The following DACH2 variants were observed in gnomAD, a reference collection of about 807,000 sequenced individuals.
DACH2 encodes dachshund homolog 2.
DACH2 carries 17 observed loss-of-function variants against 35.8 expected under a neutral mutation model. The ratio of observed to expected loss-of-function variants is 0.48; its 90% CI spans 0.33 to 0.71. DACH2 has a LOEUF of 0.71. Among genes scored for constraint, DACH2 ranks in the 30% least tolerant of loss-of-function variants. The pLI is 0.02. For missense variants in DACH2, 469 were observed against 472.7 expected (o/e 0.99, Z 0.07); for synonymous variants, 195 against 177.3 (o/e 1.10, Z -0.79).
intron 1 of DACH2, among the ~76,000 whole-genome samples, chrX:86,212,769 A>C (rs1452072494): frequency 9.0e-6 from 1 of 111,395 alleles, no homozygotes; most frequent in Non-Finnish European, 1.9e-5. Flanking sequence ...AGTTCCACTA[A>C]ACGAACATCA....
chrX:86,203,655 C>T (rs184365233), intron 1 of DACH2, among the ~76,000 whole-genome samples: 92 of 111,485 alleles, frequency 8.3e-4, no homozygotes, highest in African/African-American at 3.0e-3. Flanking sequence ...ATAAAAATAA[C>T]ATTTTTTGTT....
intron 2 of DACH2, among the ~76,000 whole-genome samples, chrX:86,412,089 C>T (rs4430227): frequency 0.041 from 4,509 of 111,208 alleles, 95 homozygotes; most frequent in East Asian, 0.21. Context: ...TCACCCTAGC[C>T]AACACTGTAA....
intron 1 of DACH2, among the ~76,000 whole-genome samples, chrX:86,356,191 C>A (rs766607223): frequency 3.6e-5 from 4 of 111,537 alleles, no homozygotes; most frequent in Non-Finnish European, 7.5e-5. Context: ...TTTAATCCAT[C>A]TTGAGTTGAT....
chrX:86,292,375 A>C (rs1473459468), intron 1 of DACH2, among the ~76,000 whole-genome samples: 2 of 95,896 alleles, frequency 2.1e-5, no homozygotes, highest in Non-Finnish European at 4.1e-5. Flanking sequence ...TCAAAAAACC[A>C]GCTCCTGGAT....
At chrX:86,160,011 T>TA (rs1333352911) in intron 1 of DACH2, among the ~76,000 whole-genome samples, 4 of 108,661 alleles carry the variant, frequency 3.7e-5, no homozygotes, top group African/African-American at 1.4e-4. Flanking sequence ...GTACTGATTT[T>TA]AAAAACTAAT....
At chrX:86,708,047 C>G (rs1185846510) in intron 5 of DACH2, among the ~76,000 whole-genome samples, 1 of 107,539 alleles carries the variant, frequency 9.3e-6, no homozygotes, top group Non-Finnish European at 1.9e-5. Context: ...TAATATGATA[C>G]TAAAAGTAGA....
intron 2 of DACH2, among the ~76,000 whole-genome samples, chrX:86,382,820 T>A (rs2036066414): frequency 9.0e-6 from 1 of 111,235 alleles, no homozygotes; most frequent in African/African-American, 3.3e-5. Context: ...ATCTTCAGAT[T>A]AATACAATTT....
chrX:86,384,750 A>C (rs935288765), intron 2 of DACH2, among the ~76,000 whole-genome samples: 1 of 112,095 alleles, frequency 8.9e-6, no homozygotes, highest in Non-Finnish European at 1.9e-5. Flanking sequence ...AGATGTAAAA[A>C]ATGTGTAGCT....
intron 1 of DACH2, among the ~76,000 whole-genome samples, chrX:86,267,090 T>C (rs767412669): frequency 8.9e-6 from 1 of 112,310 alleles, no homozygotes; most frequent in East Asian, 2.8e-4. Flanking sequence ...AATGACTAGC[T>C]ATGCTGTTGA....
At chrX:86,454,732 G>A (rs1377352840) in intron 2 of DACH2, among the ~76,000 whole-genome samples, 1 of 111,657 alleles carries the variant, frequency 9.0e-6, no homozygotes, top group African/African-American at 3.3e-5. Context: ...CTTTAGCGCG[G>A]TGAAGTTTGT....
rs191634969 is a variant in DACH2 at position 86,620,877 on chromosome X, G to A, written c.641-30159G>A. On this transcript the variant is annotated intron_variant, in intron 3 of 11. Coordinates refer to ENST00000373125, the MANE Select transcript of DACH2 (RefSeq NM_053281.3). ...GACAAGTAGATTCGAGAGGATCTCTGCTTCTGGGAAGTTCTCTGTTTTCAG... is the reference window on the plus strand; with the variant it reads ...GACAAGTAGATTCGAGAGGATCTCTACTTCTGGGAAGTTCTCTGTTTTCAG... Among the ~76,000 whole-genome samples the A allele has an allele frequency of 1.6e-3, 177 of 110,711 alleles. 1 individual carries two copies. The highest frequency in any genetic ancestry group is 2.7e-3 in the Non-Finnish European group (145 of 52,871).
rs2042107174 is a variant in DACH2, at chrX:86,783,345, G to A, written c.1241-29511G>A. 2.7e-5 allele frequency among the ~76,000 whole-genome samples: 3 copies of A among 112,140 alleles called. No individual in the cohort carries two copies. The Admixed American group carries it at 2.8e-4, about 11-fold the overall frequency. The stretch of plus-strand genomic sequence containing the variant: ...AATGTAAATTAGTACAAACACTGTG[G>A]AGAACAATTTGGAGATTCCTGAAAA... On this transcript the variant is annotated intron_variant, in intron 7 of 11. Transcript: ENST00000373125.
intron 7 of DACH2, 132 bp from the exon 8 acceptor site, chrX:86,812,724 A>T (rs2042406448): frequency 2.6e-6 from 1 of 386,214 alleles, no homozygotes. Context: ...AATAAATATG[A>T]CTTCTAATTA....
At chrX:86,710,103 A>G (rs953355982) in intron 5 of DACH2, among the ~76,000 whole-genome samples, 4 of 112,522 alleles carry the variant, frequency 3.6e-5, no homozygotes, top group African/African-American at 1.3e-4. Flanking sequence ...ACTAAAAATT[A>G]GAAACAACCA....
intron 1 of DACH2, among the ~76,000 whole-genome samples, chrX:86,279,015 AT>A (rs1270954662): frequency 8.9e-6 from 1 of 112,074 alleles, no homozygotes; most frequent in Non-Finnish European, 1.9e-5. Context: ...CGGGCAGGGC[AT>A]CTTTAAAATA....
intron 3 of DACH2, among the ~76,000 whole-genome samples, chrX:86,536,778 T>C (rs1487803726): frequency 1.8e-5 from 2 of 112,094 alleles, no homozygotes; most frequent in African/African-American, 3.2e-5. Context: ...TATAAAACGA[T>C]GCTGTAACCC....
intron 1 of DACH2, among the ~76,000 whole-genome samples, chrX:86,230,821 A>T (rs1328328732): frequency 9.0e-6 from 1 of 111,625 alleles, no homozygotes; most frequent in African/African-American, 3.3e-5. Flanking sequence ...CAGTGTTGTC[A>T]GTTGTAATAT....
intron 2 of DACH2, among the ~76,000 whole-genome samples, chrX:86,404,351 CT>C (rs1173290201): frequency 1.8e-5 from 2 of 111,990 alleles, no homozygotes; most frequent in African/African-American, 6.5e-5. Context: ...TATTTACTTC[CT>C]AGATACAATG....
At chrX:86,740,475 G>A (rs1212155517) in intron 7 of DACH2, among the ~76,000 whole-genome samples, 1 of 102,934 alleles carries the variant, frequency 9.7e-6, no homozygotes, top group Non-Finnish European at 2.0e-5. Flanking sequence ...TTAGCATTAG[G>A]TATATCTCCT....
Sources: allele counts gnomAD v4.1 joint callset (sites outside exome capture counted in the v4.1 genomes callset), GRCh38; gene constraint gnomAD v4.1.1; transcripts MANE v1.5; gene names NCBI Gene and HGNC (gene_info 2026-07-23, HGNC 2026-07-21).